The following PLEKHM3 variants were observed in gnomAD, a reference collection of about 807,000 sequenced individuals.
PLEKHM3 encodes the protein pleckstrin homology domain-containing family M member 3.
A neutral mutation model predicts 81.8 loss-of-function variants in PLEKHM3; 45 were observed. That is an observed-to-expected ratio of 0.55 (90% CI 0.43 to 0.71). The LOEUF (loss-of-function observed/expected upper bound fraction) is 0.71, where lower values mean the gene tolerates loss of function less well. PLEKHM3 is among the 30% of genes least tolerant of loss of function. The pLI is 0.00. For synonymous variants in PLEKHM3, 352 were observed against 356.4 expected, an observed-to-expected ratio of 0.99 and a Z score of 0.14; for missense variants, 788 against 924.3, an observed-to-expected ratio of 0.85 and a Z score of 1.91.
chr2:207,895,565 GC>G (rs770652604), intron 6 of PLEKHM3, among the ~76,000 whole-genome samples: 2 of 152,068 alleles, frequency 1.3e-5, no homozygotes, highest in Non-Finnish European at 2.9e-5. Context: ...CCCTTATGGT[GC>G]CCCATTCCCT....
At chr2:207,891,854 T>C (rs978767626) in intron 6 of PLEKHM3, among the ~76,000 whole-genome samples, 4 of 152,224 alleles carry the variant, frequency 2.6e-5, no homozygotes, top group African/African-American at 9.6e-5. Context: ...CAAGACTTGC[T>C]TTCAAGGCTG....
At chr2:207,868,325 G>C (rs984733039) in intron 6 of PLEKHM3, among the ~76,000 whole-genome samples, 1 of 151,890 alleles carries the variant, frequency 6.6e-6, no homozygotes, top group African/African-American at 2.4e-5. Context: ...CTCAGAAACT[G>C]GGGTATTTTC....
chr2:207,954,510 A>C (rs748745093), intron 3 of PLEKHM3, among the ~76,000 whole-genome samples: 12 of 152,246 alleles, frequency 7.9e-5, no homozygotes, highest in Non-Finnish European at 1.8e-4. Context: ...CAACAGACAT[A>C]AACTGTCCAA....
intron 5 of PLEKHM3, among the ~76,000 whole-genome samples, chr2:207,928,412 T>C (rs1689477869): frequency 1.3e-5 from 2 of 152,252 alleles, no homozygotes; most frequent in South Asian, 4.1e-4. Context: ...AGGTGGTGGC[T>C]TTTAAGTGGA....
chr2:207,862,169 C>T (rs1055902593), intron 6 of PLEKHM3, among the ~76,000 whole-genome samples: 1 of 152,168 alleles, frequency 6.6e-6, no homozygotes, highest in African/African-American at 2.4e-5. Context: ...ATTTCACACG[C>T]CAGCTAGATA....
intron 1 of PLEKHM3, among the ~76,000 whole-genome samples, chr2:208,005,338 T>C (rs1304693160): frequency 6.6e-6 from 1 of 152,154 alleles, no homozygotes; most frequent in Admixed American, 6.5e-5. Flanking sequence ...CAGGATCCTA[T>C]ACAGGATACC....
At chr2:207,993,266 AACC>A (rs1295178340) in intron 2 of PLEKHM3, among the ~76,000 whole-genome samples, 3 of 152,192 alleles carry the variant, frequency 2.0e-5, no homozygotes, top group African/African-American at 7.2e-5. Flanking sequence ...TCAATAATGT[AACC>A]AATGGAAACT....
At chr2:207,857,181 CTCTT>C (rs2092441286) in intron 7 of PLEKHM3, among the ~76,000 whole-genome samples, 1 of 152,176 alleles carries the variant, frequency 6.6e-6, no homozygotes, top group African/African-American at 2.4e-5. Context: ...ACTTATCTCT[CTCTT>C]CTTTCAGTTC....
intron 1 of PLEKHM3, among the ~76,000 whole-genome samples, chr2:208,023,387 T>C (rs1277694148): frequency 6.6e-6 from 1 of 152,092 alleles, no homozygotes; most frequent in Non-Finnish European, 1.5e-5. Flanking sequence ...TCCAGAACTC[T>C]TTTCATTTTG....
chr2:207,891,509 A>G (rs1688059158), intron 6 of PLEKHM3, among the ~76,000 whole-genome samples: 1 of 151,950 alleles, frequency 6.6e-6, no homozygotes, highest in East Asian at 1.9e-4. Context: ...CTGGCTCCAG[A>G]CTCTCTGCCC....
rs572295913 is a variant in PLEKHM3 at position 207,982,446 on chromosome 2, T to C, written c.611-4860A>G. ...TACCACACCTGGTTCATTTTTTAATTTTTTATAGAGACAGAGTCTTGCTAT... is the reference window on the plus strand; with the variant it reads ...TACCACACCTGGTTCATTTTTTAATCTTTTATAGAGACAGAGTCTTGCTAT... On this transcript the variant is annotated intron_variant, in intron 2 of 7. Transcript: ENST00000427836. Among the ~76,000 whole-genome samples, 8 of 152,208 alleles carry C rather than the reference T, an allele frequency of 5.3e-5. No individual in the cohort carries two copies. In the South Asian group the frequency reaches 1.0e-3, roughly 20 times the overall value.
At chr2:207,899,568 T>C (rs529158759) in intron 6 of PLEKHM3, among the ~76,000 whole-genome samples, 6 of 152,208 alleles carry the variant, frequency 3.9e-5, no homozygotes, top group East Asian at 3.9e-4. Flanking sequence ...GGTGACAGAG[T>C]TGGGCTCACA....
chr2:207,903,684 A>C lies in PLEKHM3; in HGVS notation c.1950+4830T>G, dbSNP rs781705747. On this transcript the variant is annotated intron_variant, in intron 6 of 7. Transcript: ENST00000427836. The stretch of plus-strand genomic sequence containing the variant: ...CAGAGTTCTGATTTGCTCCTTAAGA[A>C]CAACTAAGAACTCTTGACCATTTAT... 7.5e-4 allele frequency among the ~76,000 whole-genome samples: 114 copies of C among 152,346 alleles called. 1 individual carries two copies. The Middle Eastern group carries it at 0.017, about 23-fold the overall frequency.
intron 7 of PLEKHM3, among the ~76,000 whole-genome samples, chr2:207,830,584 G>A (rs2092280751): frequency 6.8e-6 from 1 of 147,224 alleles, no homozygotes; most frequent in Non-Finnish European, 1.5e-5. Context: ...TCTAGCCTGG[G>A]TGACAAGAGC....
At position 207,821,761 on chromosome 2, in the gene PLEKHM3, AGAGAT is replaced by A. The variant is rs1304383369; in HGVS notation, c.*6553_*6557del. The A allele has an allele frequency of 1.3e-5, 2 of 152,070 alleles. No individual in the cohort carries two copies. Among genetic ancestry groups the A allele is most frequent in the Non-Finnish European group, 2.9e-5 (2 of 68,028 alleles). 9.4% of individuals were successfully genotyped at this position (152,070 alleles called of 1,614,324 possible). A position where few individuals can be genotyped will look rare whatever the true frequency, so the allele number is the denominator to read the frequency against. On this transcript the variant is annotated 3_prime_UTR_variant, in exon 8 of 8. Coordinates refer to ENST00000427836, the MANE Select transcript of PLEKHM3 (RefSeq NM_001080475.3). Reference sequence around the variant, plus strand: ...AAAAGTATATATATATATTTTTCAAAGAGATGAGGGTCTCGCTATCTTGCCCAGAC... The same window carrying A: ...AAAAGTATATATATATATTTTTCAAAGAGGGTCTCGCTATCTTGCCCAGAC...
intron 6 of PLEKHM3, chr2:207,900,202 T>A (rs1304791440): frequency 6.6e-6 from 1 of 152,182 alleles, no homozygotes; most frequent in African/African-American, 2.4e-5. Flanking sequence ...TGGAATCATG[T>A]GGGGCTGTCT....
At chr2:208,008,275 T>G (rs1250296831) in intron 1 of PLEKHM3, among the ~76,000 whole-genome samples, 1 of 151,484 alleles carries the variant, frequency 6.6e-6, no homozygotes, top group Non-Finnish European at 1.5e-5. Flanking sequence ...TATATAATTT[T>G]TTTCCAGTTC....
intron 3 of PLEKHM3, among the ~76,000 whole-genome samples, chr2:207,948,333 T>C (rs1202645632): frequency 6.9e-6 from 1 of 145,568 alleles, no homozygotes; most frequent in Non-Finnish European, 1.5e-5. Context: ...AGGACCACAC[T>C]AGAAACTCCT....
At position 208,001,902 on chromosome 2, in the gene PLEKHM3, C is replaced by A. The variant is rs1247912314; in HGVS notation, c.-263G>T. 4.3e-6 allele frequency: 2 copies of A among 462,142 alleles called. No homozygotes were observed. Among genetic ancestry groups the A allele is most frequent in the Admixed American group, 7.7e-5 (2 of 25,914 alleles). The allele number at this position is 462,142 out of a possible 1,614,324, so 28.6% of individuals were successfully genotyped here. On this transcript the variant is annotated 5_prime_UTR_variant, in exon 2 of 8. Transcript: ENST00000427836. ...TTGAGATTATTCTTCAGTGAGACCTCTGTGAAGACAACAGCAAGTACTTGT... is the reference window on the plus strand; with the variant it reads ...TTGAGATTATTCTTCAGTGAGACCTATGTGAAGACAACAGCAAGTACTTGT...
Sources: gnomAD v4.1 joint callset for allele counts (sites outside exome capture counted in the v4.1 genomes callset) on GRCh38, gnomAD v4.1.1 for gene constraint, MANE v1.5 for transcripts, NCBI Gene and HGNC (gene_info 2026-07-23, HGNC 2026-07-21) for gene names.